Variants in DIPK1A observed in about 807,000 individuals in gnomAD.
DIPK1A encodes divergent protein kinase domain 1A.
Under a neutral mutation model 40.8 loss-of-function variants are expected in DIPK1A, and 27 were observed. The ratio of observed to expected loss-of-function variants is 0.66; its 90% CI spans 0.49 to 0.91. The LOEUF is 0.91. Ranked by LOEUF, DIPK1A falls within the 40% of genes least tolerant of loss-of-function variation. DIPK1A has a pLI of 0.00. For synonymous variants in DIPK1A, 166 were observed against 171.3 expected, an observed-to-expected ratio of 0.97 and a Z score of 0.24; for missense variants, 412 against 505.7, an observed-to-expected ratio of 0.81 and a Z score of 1.78.
chr1:92,934,564 A>G (rs759344834), intron 1 of DIPK1A, among the ~76,000 whole-genome samples: 4 of 152,224 alleles, frequency 2.6e-5, no homozygotes, highest in Non-Finnish European at 5.9e-5. Context: ...ATACTTGCAT[A>G]GTTCAAATGT....
intron 2 of DIPK1A, among the ~76,000 whole-genome samples, chr1:92,852,012 G>C (rs78099875): frequency 6.6e-6 from 1 of 152,322 alleles, no homozygotes; most frequent in Non-Finnish European, 1.5e-5. Context: ...AACTACGGTT[G>C]GGAGAGAGGG....
At chr1:92,918,350 C>T (rs1447001725) in intron 1 of DIPK1A, among the ~76,000 whole-genome samples, 3 of 152,074 alleles carry the variant, frequency 2.0e-5, no homozygotes, top group Non-Finnish European at 4.4e-5. Context: ...AGTTTCATTA[C>T]GTTGGCCAGG....
chr1:92,840,211 G>T, downstream of DIPK1A: 1 of 300,140 alleles, frequency 3.3e-6, no homozygotes, highest in Non-Finnish European at 6.4e-6. Context: ...AGGTCTCACT[G>T]TGTTGCCTTA....
intron 1 of DIPK1A, among the ~76,000 whole-genome samples, chr1:92,934,297 CTG>C (rs750635348): frequency 2.6e-5 from 4 of 152,082 alleles, no homozygotes; most frequent in Non-Finnish European, 4.4e-5. Flanking sequence ...TAGATGTAAA[CTG>C]AGATCTTTAT....
intron 1 of DIPK1A, among the ~76,000 whole-genome samples, chr1:92,882,959 C>G (rs1461501650): frequency 1.3e-5 from 2 of 152,210 alleles, no homozygotes; most frequent in African/African-American, 4.8e-5. Context: ...AGCTTTGGCT[C>G]TAACTCGGTT....
At chr1:92,840,941 ATACT>A (rs1478240418), downstream of DIPK1A, 4 of 484,628 alleles carry the variant, frequency 8.3e-6, no homozygotes, top group Non-Finnish European at 7.9e-6. Flanking sequence ...ATAGAAAGTA[ATACT>A]TAATGAACAT....
chr1:92,899,142 G>A (rs1481377969), intron 1 of DIPK1A, among the ~76,000 whole-genome samples: 1 of 152,148 alleles, frequency 6.6e-6, no homozygotes, highest in East Asian at 1.9e-4. Context: ...AGTGTGGAGT[G>A]CTGAAACCCC....
chr1:92,937,871 G>C (rs952060280), intron 1 of DIPK1A, among the ~76,000 whole-genome samples: 13 of 152,036 alleles, frequency 8.6e-5, no homozygotes, highest in Non-Finnish European at 1.8e-4. Context: ...CCAGCACCCC[G>C]ATCTTGGATA....
Position 92,889,425 on chromosome 1 carries a change from G to A in DIPK1A, c.55-12995C>T, listed in dbSNP as rs192416265. On this transcript the variant is annotated intron_variant, in intron 1 of 4. Transcript: ENST00000370310. ...TTGTAGTATATTTCGAAATCTGGTA[G>A]TGTGATGCCTAAAGCTTTGTTCTTT... 1.3e-3 allele frequency among the ~76,000 whole-genome samples: 200 copies of A among 152,282 alleles called. 1 individual carries two copies. Among genetic ancestry groups the A allele is most frequent in the African/African-American group, 4.6e-3 (193 of 41,572 alleles).
At chr1:92,953,249 A>G (rs865944065) in intron 1 of DIPK1A, among the ~76,000 whole-genome samples, 1 of 86,330 alleles carries the variant, frequency 1.2e-5, no homozygotes, top group African/African-American at 4.0e-5. Context: ...TTAAAAAAAA[A>G]AAAAGAAAAG....
At chr1:92,945,399 AG>A (rs1264640117) in intron 1 of DIPK1A, among the ~76,000 whole-genome samples, 2 of 152,168 alleles carry the variant, frequency 1.3e-5, no homozygotes, top group African/African-American at 4.8e-5. Context: ...GTGTGAGAAA[AG>A]AGGATCCAGT....
chr1:92,834,951 CTG>C, intron 4 of DIPK1A: 1 of 1,599,614 alleles, frequency 6.3e-7, no homozygotes, highest in Non-Finnish European at 8.5e-7. Flanking sequence ...TAGTTTGTGG[CTG>C]ATTGCTTGGA....
In DIPK1A at chr1:92,847,316, C is replaced by T. The variant is rs779662292; in HGVS notation, c.341G>A (p.Cys114Tyr). 8.1e-6 allele frequency: 13 copies of T among 1,611,572 alleles called. No individual in the cohort carries two copies. The highest frequency in any genetic ancestry group is 3.3e-5 in the Admixed American group (2 of 59,712). ...AAGATGAAGCGCTTGTTCCATTTGA[C>T]ATTTCACAACACCTGGTAGATTATC... ...IWDNLPGVVK[C>Y]QMEQALHLDF... Residue 114 changes from cysteine to tyrosine, a missense_variant, in exon 4 of 5, where the codon TGT becomes TAT. Transcript: ENST00000370310.
intron 1 of DIPK1A, 44 bp downstream of exon 1, chr1:92,961,332 G>A (rs758786592): frequency 6.9e-6 from 10 of 1,445,200 alleles, no homozygotes; most frequent in South Asian, 3.8e-5. Flanking sequence ...AGGGCACACG[G>A]CCGGGTGCTC....
downstream of DIPK1A, among the ~76,000 whole-genome samples, chr1:92,839,140 C>T (rs978665691): frequency 6.6e-6 from 1 of 150,854 alleles, no homozygotes; most frequent in Non-Finnish European, 1.5e-5. Flanking sequence ...GGGCAGATCA[C>T]CTGATGTCAG....
rs149816584 is a variant in DIPK1A at position 92,901,876 on chromosome 1, T to C, written c.55-25446A>G. Among the ~76,000 whole-genome samples, 153 of 152,174 alleles carry C rather than the reference T, an allele frequency of 1.0e-3. 1 individual carries two copies. Among genetic ancestry groups the C allele is most frequent in the African/African-American group, 3.4e-3 (140 of 41,492 alleles). ...TTCCAGGGAAGCAGGGTACTAAAGT[T>C]GTCTGGCTTATAAGGTGGGATGTCT... On this transcript the variant is annotated intron_variant, in intron 1 of 4. Coordinates refer to ENST00000370310, the MANE Select transcript of DIPK1A (RefSeq NM_001006605.5).
chr1:92,833,511 G>C (rs1234484957), intron 4 of DIPK1A: 3 of 1,610,246 alleles, frequency 1.9e-6, no homozygotes, highest in Admixed American at 3.3e-5. Context: ...AGATGCAGTG[G>C]AGTATCCTTT....
At chr1:92,918,284 GGATTA>G (rs1216451429) in intron 1 of DIPK1A, among the ~76,000 whole-genome samples, 2 of 151,972 alleles carry the variant, frequency 1.3e-5, no homozygotes, top group Non-Finnish European at 2.9e-5. Context: ...AGAGTAGCTG[GGATTA>G]CAGGCACCCA....
chr1:92,946,960 A>C (rs4847385), intron 1 of DIPK1A, among the ~76,000 whole-genome samples: 85,647 of 147,556 alleles, frequency 0.58, 26,196 homozygotes, highest in East Asian at 0.93. Flanking sequence ...AAAAAAAAAA[A>C]ACCACACAGA....
Sources: allele counts gnomAD v4.1 joint callset (sites outside exome capture counted in the v4.1 genomes callset), GRCh38; gene constraint gnomAD v4.1.1; transcripts MANE v1.5; gene names NCBI Gene and HGNC (gene_info 2026-07-23, HGNC 2026-07-21).